The following ZFPM2 variants were observed in gnomAD, a reference collection of about 807,000 sequenced individuals.
The protein encoded by ZFPM2 is zinc finger protein, FOG family member 2.
ZFPM2 carries 20 observed loss-of-function variants against 98.6 expected under a neutral mutation model. The observed-to-expected ratio is 0.20, with a 90% CI of 0.14 to 0.29. ZFPM2 has a LOEUF of 0.29. ZFPM2 is among the 10% of genes least tolerant of loss of function. The pLI is 1.00. For missense variants in ZFPM2, 1,310 were observed against 1,388.6 expected (o/e 0.94, Z 0.90); for synonymous variants, 518 against 502.7 (o/e 1.03, Z -0.41).
At chr8:105,718,817 C>T (rs558280399) in intron 5 of ZFPM2, among the ~76,000 whole-genome samples, 2 of 152,014 alleles carry the variant, frequency 1.3e-5, no homozygotes, top group African/African-American at 4.8e-5. Context: ...CATGCAATCC[C>T]CGTGTCTCAT....
At chr8:105,377,113 C>A (rs1810739519) in intron 1 of ZFPM2, among the ~76,000 whole-genome samples, 1 of 152,078 alleles carries the variant, frequency 6.6e-6, no homozygotes, top group Non-Finnish European at 1.5e-5. Context: ...TGCTCTTCCC[C>A]TGGGATTATT....
At chr8:105,342,975 G>A (rs533159170) in intron 1 of ZFPM2, among the ~76,000 whole-genome samples, 1 of 151,944 alleles carries the variant, frequency 6.6e-6, no homozygotes, top group African/African-American at 2.4e-5. Context: ...AGTGCTTAAG[G>A]CTGAGAGGGG....
chr8:105,447,674 A>G (rs920392775), intron 3 of ZFPM2, among the ~76,000 whole-genome samples: 4 of 152,128 alleles, frequency 2.6e-5, no homozygotes, highest in Non-Finnish European at 5.9e-5. Context: ...TTCTCTAAAA[A>G]TAGAACAGAG....
intron 5 of ZFPM2, among the ~76,000 whole-genome samples, chr8:105,754,679 A>C (rs759146271): frequency 1.3e-4 from 18 of 133,682 alleles, no homozygotes; most frequent in Non-Finnish European, 2.6e-4. Flanking sequence ...AGTAGTAGCA[A>C]CCTTTTTTTT....
intron 5 of ZFPM2, among the ~76,000 whole-genome samples, chr8:105,776,874 T>C (rs1279585281): frequency 6.6e-6 from 1 of 152,194 alleles, no homozygotes; most frequent in Non-Finnish European, 1.5e-5. Context: ...CAGAAAGTTC[T>C]TTGGAAATAT....
intron 5 of ZFPM2, among the ~76,000 whole-genome samples, chr8:105,714,665 G>T (rs549731237): frequency 1.3e-5 from 2 of 151,866 alleles, no homozygotes; most frequent in Admixed American, 1.3e-4. Context: ...ACCATATAAT[G>T]TATGCTACTG....
chr8:105,671,010 T>C (rs944915641), intron 5 of ZFPM2, among the ~76,000 whole-genome samples: 1 of 152,162 alleles, frequency 6.6e-6, no homozygotes, highest in African/African-American at 2.4e-5. Flanking sequence ...ATTGGATGTA[T>C]TGTTAGTTTA....
At chr8:105,483,726 CTT>C (rs1365536735) in intron 3 of ZFPM2, among the ~76,000 whole-genome samples, 1 of 150,628 alleles carries the variant, frequency 6.6e-6, no homozygotes, top group African/African-American at 2.4e-5. Flanking sequence ...AGTCATCTGT[CTT>C]TTCTCTTTGA....
At chr8:105,351,667 T>G (rs1344058717) in intron 1 of ZFPM2, among the ~76,000 whole-genome samples, 4 of 152,116 alleles carry the variant, frequency 2.6e-5, no homozygotes, top group Admixed American at 6.5e-5. Context: ...CTAAATTTGG[T>G]TTACAGATAA....
At chr8:105,639,437 C>G (rs1375770958) in intron 5 of ZFPM2, among the ~76,000 whole-genome samples, 1 of 151,730 alleles carries the variant, frequency 6.6e-6, no homozygotes, top group Non-Finnish European at 1.5e-5. Flanking sequence ...TAAACACTGT[C>G]AATCAAGAGA....
intron 1 of ZFPM2, among the ~76,000 whole-genome samples, chr8:105,416,545 A>G (rs564903519): frequency 1.3e-5 from 2 of 151,950 alleles, no homozygotes; most frequent in South Asian, 2.1e-4. Flanking sequence ...TTCACATTTT[A>G]TATATGAAAA....
At chr8:105,356,475 G>C (rs987086344) in intron 1 of ZFPM2, among the ~76,000 whole-genome samples, 2 of 152,136 alleles carry the variant, frequency 1.3e-5, no homozygotes, top group Non-Finnish European at 2.9e-5. Flanking sequence ...CCCATTTATT[G>C]CTTTTTATTT....
intron 1 of ZFPM2, among the ~76,000 whole-genome samples, chr8:105,395,847 A>G (rs1811208010): frequency 6.6e-6 from 1 of 152,184 alleles, no homozygotes; most frequent in African/African-American, 2.4e-5. Context: ...TCAAGGCCAG[A>G]ATCAAGGTTT....
At chr8:105,516,178 G>A (rs567109904) in intron 3 of ZFPM2, among the ~76,000 whole-genome samples, 52 of 152,056 alleles carry the variant, frequency 3.4e-4, no homozygotes, top group Non-Finnish European at 6.3e-4. Context: ...CGCCTGCCTC[G>A]GCCTTCTAAA....
chr8:105,537,774 A>G (rs1359440359), intron 3 of ZFPM2, among the ~76,000 whole-genome samples: 1 of 151,908 alleles, frequency 6.6e-6, no homozygotes. Flanking sequence ...CTCTGTCACC[A>G]GGCTGGAGTG....
chr8:105,764,061 C>T (rs1325263922), intron 5 of ZFPM2, among the ~76,000 whole-genome samples: 1 of 151,686 alleles, frequency 6.6e-6, no homozygotes, highest in Non-Finnish European at 1.5e-5. Context: ...ATTTTATTGA[C>T]CACATTTTCA....
intron 3 of ZFPM2, among the ~76,000 whole-genome samples, chr8:105,446,948 T>C (rs1812385592): frequency 6.6e-6 from 1 of 152,172 alleles, no homozygotes; most frequent in South Asian, 2.1e-4. Context: ...TTTCGTGTTT[T>C]CGCTATTGCA....
chr8:105,439,669 C>G (rs549650989), intron 2 of ZFPM2, among the ~76,000 whole-genome samples: 64 of 152,270 alleles, frequency 4.2e-4, no homozygotes, highest in South Asian at 2.9e-3. Context: ...GTAAATTGAT[C>G]TAATTTGGGC....
chr8:105,457,513 A>G (rs1812615380), intron 3 of ZFPM2, among the ~76,000 whole-genome samples: 1 of 152,188 alleles, frequency 6.6e-6, no homozygotes, highest in Admixed American at 6.5e-5. Context: ...GATAATTAAA[A>G]CACATGGCTG....
Sources: gnomAD v4.1 joint callset for allele counts (sites outside exome capture counted in the v4.1 genomes callset) on GRCh38, gnomAD v4.1.1 for gene constraint, MANE v1.5 for transcripts, NCBI Gene and HGNC (gene_info 2026-07-23, HGNC 2026-07-21) for gene names.